The following STMN2 variants were observed in gnomAD, a reference collection of about 807,000 sequenced individuals.
STMN2 encodes the protein stathmin-2.
STMN2 carries 2 observed loss-of-function variants against 24.1 expected under a neutral mutation model. The ratio of observed to expected loss-of-function variants is 0.08; its 90% confidence interval spans 0.03 to 0.26. The LOEUF is 0.26. Ranked by LOEUF, STMN2 falls within the 10% of genes least tolerant of loss-of-function variation. STMN2 has a pLI of 1.00. For synonymous variants in STMN2, 83 were observed against 77.5 expected, an observed-to-expected ratio of 1.07 and a Z score of -0.37; for missense variants, 114 against 213.6, an observed-to-expected ratio of 0.53 and a Z score of 2.91.
chr8:79,665,911 C>G lies in STMN2; in HGVS notation c.*1037C>G, dbSNP rs561503079. 6.6e-6 allele frequency: 1 copy of G among 152,330 alleles called. No homozygotes were observed. The highest frequency in any genetic ancestry group is 1.9e-4 in the East Asian group (1 of 5,184). The allele number at this position is 152,330 out of a possible 1,614,324, so 9.4% of individuals were successfully genotyped here. ...AGTGTAAGGCAATCCTGCCTACTAA[C>G]AACACCAACAACAAAACACTCCATC... On this transcript the variant is annotated 3_prime_UTR_variant, in exon 5 of 5. Transcript: ENST00000220876.
chr8:79,644,207 G>A (rs1049413864), intron 3 of STMN2, among the ~76,000 whole-genome samples: 1 of 152,144 alleles, frequency 6.6e-6, no homozygotes, highest in South Asian at 2.1e-4. Context: ...AAAACAAAAA[G>A]CAAATATGTG....
intron 3 of STMN2, 28 bp downstream of exon 3, chr8:79,641,578 C>T: frequency 6.2e-7 from 1 of 1,602,266 alleles, no homozygotes. Flanking sequence ...TTTTCCTTCT[C>T]TCTCTCCCTC....
At chr8:79,639,306 A>T (rs1013568077) in intron 2 of STMN2, among the ~76,000 whole-genome samples, 10 of 152,212 alleles carry the variant, frequency 6.6e-5, no homozygotes, top group African/African-American at 2.2e-4. Flanking sequence ...GCCTGGGGGA[A>T]CAACTTGAAA....
At chr8:79,657,025 C>A (rs192894866) in intron 4 of STMN2, among the ~76,000 whole-genome samples, 1 of 152,246 alleles carries the variant, frequency 6.6e-6, no homozygotes, top group Non-Finnish European at 1.5e-5. Context: ...AGGCGTATAC[C>A]ACCACGCCCA....
intron 1 of STMN2, chr8:79,613,330 T>G (rs1563431010): frequency 2.1e-6 from 2 of 959,010 alleles, no homozygotes; most frequent in African/African-American, 1.8e-5. Flanking sequence ...CGACTGGGTG[T>G]GTGGAGCGCA....
At chr8:79,649,970 A>G (rs1002917903) in intron 3 of STMN2, among the ~76,000 whole-genome samples, 9 of 152,130 alleles carry the variant, frequency 5.9e-5, no homozygotes, top group African/African-American at 2.2e-4. Context: ...AATTATTTCA[A>G]TGATTGAGTT....
At chr8:79,614,349 C>G (rs1445496711) in intron 1 of STMN2, among the ~76,000 whole-genome samples, 1 of 152,034 alleles carries the variant, frequency 6.6e-6, no homozygotes, top group African/African-American at 2.4e-5. Context: ...ATAATATTCC[C>G]CATTATCTTT....
intron 1 of STMN2, among the ~76,000 whole-genome samples, chr8:79,623,880 A>G (rs902027591): frequency 4.6e-5 from 7 of 152,204 alleles, no homozygotes; most frequent in Non-Finnish European, 1.0e-4. Context: ...GACTTGGTTG[A>G]TGATTTTTTT....
intron 4 of STMN2, among the ~76,000 whole-genome samples, chr8:79,661,388 A>G (rs752297757): frequency 6.6e-6 from 1 of 152,046 alleles, no homozygotes; most frequent in Non-Finnish European, 1.5e-5. Context: ...GATGTTGACA[A>G]TATTTAACTC....
chr8:79,613,952 A>T (rs1461534863), intron 1 of STMN2, among the ~76,000 whole-genome samples: 2 of 152,238 alleles, frequency 1.3e-5, no homozygotes, highest in African/African-American at 4.8e-5. Flanking sequence ...GAATACACAT[A>T]TATAATTGAG....
intron 2 of STMN2, among the ~76,000 whole-genome samples, chr8:79,639,131 A>G (rs917567922): frequency 6.6e-6 from 1 of 152,236 alleles, no homozygotes; most frequent in African/African-American, 2.4e-5. Context: ...CTCCATGTGC[A>G]CTAACCAGGC....
chr8:79,653,968 G>C (rs922293170), intron 3 of STMN2, among the ~76,000 whole-genome samples: 6 of 152,178 alleles, frequency 3.9e-5, no homozygotes, highest in South Asian at 2.1e-4. Context: ...TTGAACACAG[G>C]CCTGACATCA....
intron 4 of STMN2, among the ~76,000 whole-genome samples, chr8:79,660,873 A>G (rs1806487218): frequency 6.6e-6 from 1 of 151,976 alleles, no homozygotes; most frequent in Non-Finnish European, 1.5e-5. Flanking sequence ...CTCATAGCTT[A>G]GCTCCCACTT....
chr8:79,647,472 AT>A (rs1325410703), intron 3 of STMN2, among the ~76,000 whole-genome samples: 1 of 152,070 alleles, frequency 6.6e-6, no homozygotes, highest in Non-Finnish European at 1.5e-5. Context: ...CCTAGGCTGT[AT>A]TTGGGGGGCT....
At chr8:79,656,541 G>A (rs1166911222) in intron 4 of STMN2, among the ~76,000 whole-genome samples, 1 of 152,156 alleles carries the variant, frequency 6.6e-6, no homozygotes, top group Non-Finnish European at 1.5e-5. Context: ...ATTTGCTAAA[G>A]TTTACTCCCC....
chr8:79,618,407 C>G (rs992934592), intron 1 of STMN2, among the ~76,000 whole-genome samples: 4 of 152,142 alleles, frequency 2.6e-5, no homozygotes, highest in African/African-American at 7.2e-5. Flanking sequence ...CTCCTCAGTC[C>G]CATCATGGTT....
intron 3 of STMN2, among the ~76,000 whole-genome samples, chr8:79,643,863 G>T (rs542786410): frequency 6.6e-6 from 1 of 151,950 alleles, no homozygotes. Flanking sequence ...TTTAAAAGCC[G>T]TATTCCATCA....
At chr8:79,624,822 C>T (rs1809613999) in intron 1 of STMN2, among the ~76,000 whole-genome samples, 1 of 152,194 alleles carries the variant, frequency 6.6e-6, no homozygotes, top group African/African-American at 2.4e-5. Context: ...TTTCCTTTAT[C>T]TTTCCTTCTT....
At chr8:79,611,925 G>A (rs1047387673) in intron 1 of STMN2, 1 of 155,062 alleles carries the variant, frequency 6.4e-6, no homozygotes, top group African/African-American at 2.4e-5. Context: ...GGAAGCGCGC[G>A]GCAGGGAGGG....
Sources: allele counts gnomAD v4.1 joint callset (sites outside exome capture counted in the v4.1 genomes callset), GRCh38; gene constraint gnomAD v4.1.1; transcripts MANE v1.5; gene names NCBI Gene and HGNC (gene_info 2026-07-23, HGNC 2026-07-21).